C9orf85: variants seen among roughly 807,000 people sequenced by gnomAD.
The protein encoded by C9orf85 is chromosome 9 open reading frame 85, also known as uncharacterized protein C9orf85.
A neutral mutation model predicts 14.9 loss-of-function variants in C9orf85; 16 were observed. The ratio of observed to expected loss-of-function variants is 1.08; its 90% confidence interval spans 0.73 to 1.63. C9orf85 has a LOEUF of 1.63. C9orf85 is among the 40% of genes most tolerant of loss of function. The pLI is 0.00. For synonymous variants in C9orf85, 45 were observed against 56.8 expected (o/e 0.79, Z 0.93); for missense variants, 172 against 186.1 (o/e 0.92, Z 0.44).
At chr9:71,923,050 A>G (rs1260405167) in intron 1 of C9orf85, among the ~76,000 whole-genome samples, 1 of 152,164 alleles carries the variant, frequency 6.6e-6, no homozygotes, top group African/African-American at 2.4e-5. Flanking sequence ...GAATTGCATG[A>G]ACCCAGTAGG....
intron 3 of C9orf85, among the ~76,000 whole-genome samples, chr9:71,978,979 G>T (rs1451994353): frequency 2.0e-5 from 3 of 152,190 alleles, no homozygotes; most frequent in African/African-American, 7.2e-5. Context: ...AAGTTGCAGT[G>T]ATCTGAGGTT....
At chr9:71,975,915 TG>T (rs1468100941), downstream of C9orf85, among the ~76,000 whole-genome samples, 1 of 152,228 alleles carries the variant, frequency 6.6e-6, no homozygotes, top group East Asian at 1.9e-4. Context: ...ATTTAACTTT[TG>T]TGATTAAGGA....
chr9:71,933,102 T>A (rs909547697), intron 1 of C9orf85, among the ~76,000 whole-genome samples: 1 of 152,130 alleles, frequency 6.6e-6, no homozygotes, highest in East Asian at 1.9e-4. Context: ...TGGGAAAAAG[T>A]GAACAGAGTC....
intron 1 of C9orf85, among the ~76,000 whole-genome samples, chr9:71,920,888 AC>A (rs942293114): frequency 6.6e-6 from 1 of 151,982 alleles, no homozygotes; most frequent in Non-Finnish European, 1.5e-5. Flanking sequence ...AACTTAATGG[AC>A]CCCCCCTTTC....
chr9:71,956,242 G>GTTTTT (rs60432625), intron 2 of C9orf85, among the ~76,000 whole-genome samples: 4 of 51,004 alleles, frequency 7.8e-5, no homozygotes, highest in African/African-American at 1.4e-4. Flanking sequence ...GAATGCAAAA[G>GTTTTT]TTTTTTTTTT....
intron 3 of C9orf85, among the ~76,000 whole-genome samples, chr9:71,980,032 G>A (rs1292455598): frequency 1.1e-5 from 1 of 88,130 alleles, no homozygotes; most frequent in Non-Finnish European, 2.3e-5. Flanking sequence ...TTTTTTTTTT[G>A]AGATGGAGTC....
intron 2 of C9orf85, among the ~76,000 whole-genome samples, chr9:71,948,535 A>T (rs1412874182): frequency 6.6e-6 from 1 of 151,618 alleles, no homozygotes; most frequent in Non-Finnish European, 1.5e-5. Flanking sequence ...TATTTAATTT[A>T]TTTTGAGATA....
chr9:71,971,817 C>CA (rs1822876461), intron 3 of C9orf85, among the ~76,000 whole-genome samples, 199 bp downstream of exon 3: 1 of 151,654 alleles, frequency 6.6e-6, no homozygotes, highest in Non-Finnish European at 1.5e-5. Context: ...ACTAAAAATA[C>CA]AAAAAAATTA....
At chr9:71,917,615 C>G (rs1589243432) in intron 1 of C9orf85, among the ~76,000 whole-genome samples, 1 of 152,234 alleles carries the variant, frequency 6.6e-6, no homozygotes, top group East Asian at 1.9e-4. Flanking sequence ...GAATACTACT[C>G]TGCTATTTTA....
chr9:71,921,801 G>A (rs1003123387), intron 1 of C9orf85, among the ~76,000 whole-genome samples: 1 of 152,110 alleles, frequency 6.6e-6, no homozygotes, highest in Non-Finnish European at 1.5e-5. Context: ...GTCCATGAAG[G>A]TAATTAGCAT....
intron 2 of C9orf85, among the ~76,000 whole-genome samples, chr9:71,948,192 T>C (rs1264203752): frequency 1.3e-5 from 2 of 152,222 alleles, no homozygotes; most frequent in Non-Finnish European, 1.5e-5. Context: ...TTTCTGACTA[T>C]TCAATAGTTT....
intron 1 of C9orf85, among the ~76,000 whole-genome samples, chr9:71,931,572 G>T (rs1449314161): frequency 6.6e-6 from 1 of 152,152 alleles, no homozygotes; most frequent in Non-Finnish European, 1.5e-5. Context: ...TGGAGTCAGA[G>T]GCGTGGCCTT....
intron 1 of C9orf85, among the ~76,000 whole-genome samples, chr9:71,912,734 A>G (rs1049171163): frequency 6.6e-6 from 1 of 152,106 alleles, no homozygotes; most frequent in African/African-American, 2.4e-5. Flanking sequence ...AAAATACAAA[A>G]ATTAGCCGAC....
intron 2 of C9orf85, among the ~76,000 whole-genome samples, chr9:71,969,459 T>G (rs1244791897): frequency 6.6e-6 from 1 of 152,178 alleles, no homozygotes; most frequent in Non-Finnish European, 1.5e-5. Flanking sequence ...ATTCTTTCAA[T>G]GTCTGTTAGA....
chr9:71,977,988 G>A (rs1461168751), downstream of C9orf85, among the ~76,000 whole-genome samples: 2 of 152,146 alleles, frequency 1.3e-5, no homozygotes, highest in Non-Finnish European at 2.9e-5. Flanking sequence ...GGTACAAGTG[G>A]TACAGTATTT....
Position 71,972,926 on chromosome 9 carries a change from CT to C in C9orf85, c.*85del, listed in dbSNP as rs1177963005. 17 of 1,178,062 alleles carry C rather than the reference CT, an allele frequency of 1.4e-5. No homozygotes were observed. Among genetic ancestry groups the C allele is most frequent in the Non-Finnish European group, 1.9e-5 (16 of 855,508 alleles). 73.0% of individuals were successfully genotyped at this position (1,178,062 alleles called of 1,614,324 possible). On this transcript the variant is annotated 3_prime_UTR_variant, in exon 4 of 4. Coordinates refer to ENST00000334731, the MANE Select transcript of C9orf85 (RefSeq NM_182505.5). ...TGGGAGGCCAAGGAGGGTGGATCACCTGAGGTCAGGAGTTCGAGACCAGCCT... is the reference window on the plus strand; with the variant it reads ...TGGGAGGCCAAGGAGGGTGGATCACCGAGGTCAGGAGTTCGAGACCAGCCT...
At chr9:71,970,446 G>A (rs1159669142) in intron 2 of C9orf85, among the ~76,000 whole-genome samples, 1 of 151,824 alleles carries the variant, frequency 6.6e-6, no homozygotes, top group African/African-American at 2.4e-5. Flanking sequence ...AATTCCTCCC[G>A]GCCAATTTTG....
At chr9:71,932,617 A>G (rs1171709356) in intron 1 of C9orf85, among the ~76,000 whole-genome samples, 1 of 152,208 alleles carries the variant, frequency 6.6e-6, no homozygotes, top group African/African-American at 2.4e-5. Flanking sequence ...TACGATAATA[A>G]AAAACAAAAC....
At position 71,972,814 on chromosome 9, in the gene C9orf85, A is replaced by G. The variant is rs750561996; in HGVS notation, c.446A>G (p.Asp149Gly). The G allele has an allele frequency of 3.7e-6, 6 of 1,609,274 alleles. No homozygotes were observed. Among genetic ancestry groups the G allele is most frequent in the Admixed American group, 3.4e-5 (2 of 59,684 alleles). ...TTAGATTTTGATATTGATTTAGAAG[A>G]CACAGGAGGAGACCATCAAATGAAT... The part of the protein sequence containing the change: ...DDLDFDIDLE[D>G]TGGDHQMN Residue 149 changes from aspartate to glycine, a missense_variant, in exon 4 of 4, where the codon GAC (aspartate) becomes GGC (glycine). Coordinates refer to ENST00000334731, the MANE Select transcript of C9orf85 (RefSeq NM_182505.5).
Sources: allele counts gnomAD v4.1 joint callset (sites outside exome capture counted in the v4.1 genomes callset), GRCh38; gene constraint gnomAD v4.1.1; transcripts MANE v1.5; gene names NCBI Gene and HGNC (gene_info 2026-07-23, HGNC 2026-07-21).